Variants in KLHL1 observed in about 807,000 individuals in gnomAD.
KLHL1 encodes the protein kelch like family member 1, also known as kelch-like protein 1.
Under a neutral mutation model 77.7 loss-of-function variants are expected in KLHL1, and 47 were observed. The observed-to-expected ratio is 0.60, with a 90% confidence interval of 0.48 to 0.77. The LOEUF is 0.77. Ranked by LOEUF, KLHL1 falls within the 30% of genes least tolerant of loss-of-function variation. KLHL1 has a pLI of 0.00. For missense variants in KLHL1, 925 were observed against 910.8 expected (o/e 1.02, Z -0.20); for synonymous variants, 360 against 325.2 (o/e 1.11, Z -1.15).
At chr13:69,982,330 G>A (rs577233198) in intron 1 of KLHL1, among the ~76,000 whole-genome samples, 1 of 151,334 alleles carries the variant, frequency 6.6e-6, no homozygotes, top group South Asian at 2.1e-4. Flanking sequence ...CAGCTGATTG[G>A]GAGACTGAGA....
chr13:69,773,882 T>TATATATATAC (rs1491245358), intron 7 of KLHL1, among the ~76,000 whole-genome samples: 22 of 146,916 alleles, frequency 1.5e-4, no homozygotes, highest in African/African-American at 5.5e-4. Flanking sequence ...TATATATATA[T>TATATATATAC]ACATAGAATA....
At chr13:70,078,087 G>C (rs1398611246) in intron 1 of KLHL1, among the ~76,000 whole-genome samples, 1 of 150,346 alleles carries the variant, frequency 6.7e-6, no homozygotes, top group Admixed American at 6.6e-5. Flanking sequence ...TTCTGCATTA[G>C]TTTTACCTGG....
chr13:69,846,418 C>A (rs767815948), intron 5 of KLHL1, among the ~76,000 whole-genome samples: 3 of 151,336 alleles, frequency 2.0e-5, no homozygotes, highest in Non-Finnish European at 3.0e-5. Context: ...TATGAAAAAT[C>A]GGAATAATTT....
intron 1 of KLHL1, among the ~76,000 whole-genome samples, chr13:70,098,983 C>A (rs1887858107): frequency 6.6e-6 from 1 of 151,572 alleles, no homozygotes; most frequent in South Asian, 2.1e-4. Flanking sequence ...AATAAATTTA[C>A]TTTTTTTGTA....
At chr13:69,737,457 C>T (rs779939660) in intron 8 of KLHL1, among the ~76,000 whole-genome samples, 7 of 152,224 alleles carry the variant, frequency 4.6e-5, no homozygotes, top group African/African-American at 7.2e-5. Flanking sequence ...GCGGCCAGCA[C>T]AGCAGGCTAG....
intron 6 of KLHL1, among the ~76,000 whole-genome samples, chr13:69,820,685 T>G (rs186714291): frequency 8.3e-4 from 127 of 152,308 alleles, no homozygotes; most frequent in South Asian, 1.4e-3. Context: ...CAGGGATGCC[T>G]GTTCAAGGGA....
intron 1 of KLHL1, among the ~76,000 whole-genome samples, chr13:70,032,033 C>T (rs936537430): frequency 3.3e-5 from 5 of 152,122 alleles, no homozygotes; most frequent in African/African-American, 1.2e-4. Context: ...GTTACAAAGG[C>T]ATGGGCAAGT....
intron 6 of KLHL1, among the ~76,000 whole-genome samples, chr13:69,833,734 T>G (rs192507792): frequency 7.9e-6 from 1 of 125,968 alleles, no homozygotes; most frequent in African/African-American, 2.8e-5. Context: ...AATGAGTGGA[T>G]AAAGAAATAA....
intron 5 of KLHL1, among the ~76,000 whole-genome samples, chr13:69,863,991 T>C (rs1880273022): frequency 6.6e-6 from 1 of 152,048 alleles, no homozygotes; most frequent in African/African-American, 2.4e-5. Context: ...ATATGAAAAC[T>C]GTAATAAACA....
At chr13:70,015,531 A>G (rs9542161) in intron 1 of KLHL1, among the ~76,000 whole-genome samples, 48,573 of 152,124 alleles carry the variant, frequency 0.32, 9,199 homozygotes, top group South Asian at 0.44. Flanking sequence ...AAAGCAATGC[A>G]TATTTAGCAT....
At chr13:70,075,819 T>C (rs1387169213) in intron 1 of KLHL1, among the ~76,000 whole-genome samples, 2 of 148,896 alleles carry the variant, frequency 1.3e-5, no homozygotes, top group Non-Finnish European at 3.0e-5. Context: ...TTTTGGCTAA[T>C]GAAAGTCAAT....
intron 4 of KLHL1, among the ~76,000 whole-genome samples, chr13:69,884,749 T>C (rs1881132206): frequency 6.6e-6 from 1 of 152,134 alleles, no homozygotes; most frequent in Non-Finnish European, 1.5e-5. Context: ...AATAAATTGG[T>C]TTGCTTTTAT....
chr13:70,023,721 T>C (rs1221778559), intron 1 of KLHL1, among the ~76,000 whole-genome samples: 2 of 151,932 alleles, frequency 1.3e-5, no homozygotes, highest in Non-Finnish European at 2.9e-5. Context: ...TCTCACAATA[T>C]GGCTTTGTTT....
At chr13:69,921,482 T>C (rs949201605) in intron 4 of KLHL1, among the ~76,000 whole-genome samples, 12 of 152,172 alleles carry the variant, frequency 7.9e-5, no homozygotes, top group Admixed American at 2.0e-4. Flanking sequence ...CTGAAGTGAT[T>C]TATAGTGCTC....
At chr13:69,948,007 G>A (rs1020044791) in intron 3 of KLHL1, among the ~76,000 whole-genome samples, 2 of 152,094 alleles carry the variant, frequency 1.3e-5, no homozygotes, top group African/African-American at 2.4e-5. Context: ...ATAGAAAACT[G>A]GCTTAAAAAT....
At chr13:70,012,233 C>T (rs957169444) in intron 1 of KLHL1, among the ~76,000 whole-genome samples, 5 of 152,134 alleles carry the variant, frequency 3.3e-5, no homozygotes, top group African/African-American at 1.2e-4. Flanking sequence ...CAAAAGTTTG[C>T]TCTCTGTCTT....
intron 1 of KLHL1, among the ~76,000 whole-genome samples, chr13:70,024,814 G>A (rs1176500237): frequency 2.6e-5 from 4 of 151,872 alleles, no homozygotes; most frequent in African/African-American, 9.7e-5. Flanking sequence ...TTGAGGAGCT[G>A]CAATTTGATT....
chr13:70,023,897 T>C (rs1885865948), intron 1 of KLHL1, among the ~76,000 whole-genome samples: 3 of 152,002 alleles, frequency 2.0e-5, no homozygotes, highest in African/African-American at 4.8e-5. Context: ...CTCTTAGTTA[T>C]AGTAAGTTTA....
chr13:69,935,710 TAAG>T (rs891598713), intron 4 of KLHL1, among the ~76,000 whole-genome samples: 2 of 152,076 alleles, frequency 1.3e-5, no homozygotes, highest in South Asian at 2.1e-4. Flanking sequence ...CAAAAAACAG[TAAG>T]AAGATCAGTG....
Sources: allele counts gnomAD v4.1 joint callset (sites outside exome capture counted in the v4.1 genomes callset), GRCh38; gene constraint gnomAD v4.1.1; transcripts MANE v1.5; gene names NCBI Gene and HGNC (gene_info 2026-07-23, HGNC 2026-07-21).